Variants in RBL1 observed in about 807,000 individuals in gnomAD.
The protein encoded by RBL1 is retinoblastoma-like protein 1.
A neutral mutation model predicts 123.0 loss-of-function variants in RBL1; 82 were observed. The observed-to-expected ratio is 0.67, with a 90% CI of 0.56 to 0.80. The LOEUF is 0.80. Among genes scored for constraint, RBL1 ranks in the 30% least tolerant of loss-of-function variants. The pLI, the probability that RBL1 is intolerant of heterozygous loss-of-function variation, is 0.00. For synonymous variants in RBL1, 405 were observed against 441.3 expected, an observed-to-expected ratio of 0.92 and a Z score of 1.03; for missense variants, 1,171 against 1,299.6, an observed-to-expected ratio of 0.90 and a Z score of 1.52.
At chr20:37,037,497 T>C (rs2064636515) in intron 14 of RBL1, among the ~76,000 whole-genome samples, 1 of 152,026 alleles carries the variant, frequency 6.6e-6, no homozygotes, top group African/African-American at 2.4e-5. Flanking sequence ...TCGTAAGTTT[T>C]AAATTATAGT....
intron 11 of RBL1, 120 bp from the exon 12 acceptor site, chr20:37,047,310 T>A (rs2064831599): frequency 2.5e-6 from 3 of 1,178,572 alleles, no homozygotes; most frequent in East Asian, 2.9e-5. Context: ...ACTAGATTAC[T>A]GGAGATAAAA....
chr20:37,067,968 T>C lies in RBL1; in HGVS notation c.491+18A>G. ...TATCATAATCTTTATGTCAATTATA[T>C]AAGGATTAAGGGCTCACCTCTGCTT... On this transcript the variant is annotated intron_variant, in intron 3 of 21. Coordinates refer to ENST00000373664, the MANE Select transcript of RBL1 (RefSeq NM_002895.5). 1 of 1,605,118 alleles carries C rather than the reference T, an allele frequency of 6.2e-7. No individual in the cohort carries two copies.
intron 16 of RBL1, among the ~76,000 whole-genome samples, chr20:37,032,013 G>A (rs1176096229): frequency 1.3e-5 from 2 of 150,954 alleles, no homozygotes; most frequent in African/African-American, 4.9e-5. Flanking sequence ...CTCATAAAGT[G>A]CTGGGTTTAC....
intron 11 of RBL1, among the ~76,000 whole-genome samples, chr20:37,055,309 G>GAAAAA (rs59560599): frequency 1.2e-5 from 1 of 84,028 alleles, no homozygotes; most frequent in African/African-American, 4.1e-5. Flanking sequence ...ATGAAGGACA[G>GAAAAA]AAAAAAAAAA....
At chr20:37,057,660 T>TA (rs1238538123) in intron 9 of RBL1, among the ~76,000 whole-genome samples, 11 of 152,186 alleles carry the variant, frequency 7.2e-5, no homozygotes, top group African/African-American at 2.7e-4. Context: ...TTGTTTTTTT[T>TA]ACTCTGTTGA....
intron 7 of RBL1, 138 bp from the exon 8 acceptor site, chr20:37,062,408 TCA>T: frequency 7.1e-7 from 1 of 1,406,664 alleles, no homozygotes; most frequent in Non-Finnish European, 9.3e-7. Context: ...TCTAACAATA[TCA>T]GAGGGTCCTA....
Position 37,067,964 on chromosome 20 carries a change from TATATAAGGATTAA to T in RBL1, c.491+9_491+21del. The T allele has an allele frequency of 6.2e-7, 1 of 1,601,214 alleles. No homozygotes were observed. Among genetic ancestry groups the T allele is most frequent in the Non-Finnish European group, 8.5e-7 (1 of 1,175,382 alleles). ...TTTGTATCATAATCTTTATGTCAAT[TATATAAGGATTAA>T]GGGCTCACCTCTGCTTCCGGCTTCG... is the stretch of plus-strand genomic sequence containing the variant. On this transcript the variant is annotated intron_variant, in intron 3 of 21. Transcript: ENST00000373664.
At chr20:37,082,135 G>A (rs1402039509) in intron 2 of RBL1, 2 of 388,378 alleles carry the variant, frequency 5.1e-6, no homozygotes, top group Non-Finnish European at 1.0e-5. Context: ...GGGGCCTAGG[G>A]ACAAGAATAC....
At chr20:37,092,135 CTG>C (rs1331515979) in intron 1 of RBL1, among the ~76,000 whole-genome samples, 5 of 151,860 alleles carry the variant, frequency 3.3e-5, no homozygotes, top group Non-Finnish European at 5.9e-5. Context: ...CCCAGCTACT[CTG>C]GAGGCTGAGA....
chr20:37,058,755 ATG>A (rs1181378121), intron 9 of RBL1, among the ~76,000 whole-genome samples: 2 of 150,754 alleles, frequency 1.3e-5, no homozygotes, highest in Non-Finnish European at 3.0e-5. Context: ...ACAAACACAG[ATG>A]TCTTTCCTTT....
intron 21 of RBL1, among the ~76,000 whole-genome samples, chr20:36,999,601 C>T (rs1436976803): frequency 6.6e-6 from 1 of 152,050 alleles, no homozygotes; most frequent in African/African-American, 2.4e-5. Context: ...GCCTGATTCT[C>T]CTGCCTCAGC....
At chr20:37,014,861 A>G (rs1306051560) in intron 19 of RBL1, among the ~76,000 whole-genome samples, 1 of 152,080 alleles carries the variant, frequency 6.6e-6, no homozygotes, top group Non-Finnish European at 1.5e-5. Context: ...TCAGGAGTTC[A>G]AGACCAGCCT....
chr20:37,059,902 G>A (rs2065066652), intron 9 of RBL1, among the ~76,000 whole-genome samples: 1 of 152,008 alleles, frequency 6.6e-6, no homozygotes, highest in Admixed American at 6.6e-5. Context: ...GCTGGGCGCG[G>A]TGGCTCACGT....
chr20:37,018,467 C>T (rs1164226577), intron 18 of RBL1, 98 bp from the exon 19 acceptor site: 22 of 1,446,676 alleles, frequency 1.5e-5, no homozygotes, highest in Non-Finnish European at 2.0e-5. Context: ...CAATTAAAAA[C>T]TATTTGTCTG....
intron 21 of RBL1, among the ~76,000 whole-genome samples, chr20:37,000,769 C>T (rs1442238101): frequency 4.3e-4 from 36 of 83,786 alleles, no homozygotes; most frequent in African/African-American, 1.2e-3. Context: ...AGGAGGGAGG[C>T]GGGGGGGTCA....
intron 21 of RBL1, among the ~76,000 whole-genome samples, chr20:37,001,641 T>C (rs575285005): frequency 6.7e-6 from 1 of 149,780 alleles, no homozygotes; most frequent in East Asian, 2.0e-4. Context: ...TGCAGGGTCC[T>C]CTGCCTAGGA....
rs1201206331 is a variant in RBL1 at position 37,095,897 on chromosome 20, GC to G, written c.31del (p.Ala11ArgfsTer18). On this transcript the variant is annotated frameshift_variant, in exon 1 of 22. Transcript: ENST00000373664. LOFTEE classifies it high-confidence loss of function. Reference protein sequence around the residue: MFEDKPHAEGAAVVAAAGEAL... With the variant: MFEDKPHAEGXAVVAAAGEAL... Reference sequence around the variant, plus strand: ...CTCCCCGGCTGCGGCGACCACCGCCGCCCCCTCAGCGTGGGGCTTGTCCTCG... The same window carrying G: ...CTCCCCGGCTGCGGCGACCACCGCCGCCCCTCAGCGTGGGGCTTGTCCTCG... 6.2e-6 allele frequency: 10 copies of G among 1,601,502 alleles called. No individual in the cohort carries two copies. The highest frequency in any genetic ancestry group is 8.5e-6 in the Non-Finnish European group (10 of 1,175,226).
intron 2 of RBL1, among the ~76,000 whole-genome samples, chr20:37,076,269 C>T (rs530291042): frequency 4.3e-4 from 65 of 152,252 alleles, no homozygotes; most frequent in South Asian, 1.2e-3. Flanking sequence ...TTTTCCTATA[C>T]GCATATACCT....
Position 37,018,265 on chromosome 20 carries a change from A to AT in RBL1, c.2722+13dup. On this transcript the variant is annotated intron_variant, in intron 19 of 21. Transcript: ENST00000373664. ...ATGTGTTTTACATATAATATGTTAA[A>AT]TTGGATAACTTACCACAATCTATCA... The AT allele has an allele frequency of 2.5e-6, 4 of 1,600,260 alleles. No individual in the cohort carries two copies. The highest frequency in any genetic ancestry group is 3.4e-6 in the Non-Finnish European group (4 of 1,174,442).
Sources: allele counts gnomAD v4.1 joint callset (sites outside exome capture counted in the v4.1 genomes callset), GRCh38; gene constraint gnomAD v4.1.1; transcripts MANE v1.5; gene names NCBI Gene and HGNC (gene_info 2026-07-23, HGNC 2026-07-21).